Variants in FAF1 observed in about 807,000 individuals in gnomAD.
FAF1 encodes Fas associated factor 1.
A neutral mutation model predicts 92.5 loss-of-function variants in FAF1; 25 were observed. The observed-to-expected ratio is 0.27, with a 90% CI of 0.20 to 0.38. FAF1 has a LOEUF of 0.38. FAF1 is among the 10% of genes least tolerant of loss of function. FAF1 has a pLI of 1.00. For synonymous variants in FAF1, 234 were observed against 273.2 expected (o/e 0.86, Z 1.42); for missense variants, 636 against 793.3 (o/e 0.80, Z 2.38).
chr1:50,841,892 A>G (rs1389508408), intron 2 of FAF1, among the ~76,000 whole-genome samples: 1 of 152,086 alleles, frequency 6.6e-6, no homozygotes, highest in East Asian at 1.9e-4. Flanking sequence ...TTTCCTTTCC[A>G]TAAACCTTCA....
intron 6 of FAF1, among the ~76,000 whole-genome samples, chr1:50,718,019 ATTTAT>A (rs1658252825): frequency 6.6e-6 from 1 of 150,634 alleles, no homozygotes; most frequent in South Asian, 2.1e-4. Flanking sequence ...TTATTTATTT[ATTTAT>A]TTATTTATTT....
intron 1 of FAF1, among the ~76,000 whole-genome samples, chr1:50,948,521 T>C (rs1645188827): frequency 6.6e-6 from 1 of 151,748 alleles, no homozygotes; most frequent in South Asian, 2.1e-4. Context: ...TTATTTCTTT[T>C]TCTTTTCTTT....
intron 6 of FAF1, among the ~76,000 whole-genome samples, chr1:50,735,430 A>C (rs11589343): frequency 0.29 from 44,471 of 152,082 alleles, 6,830 homozygotes; most frequent in Middle Eastern, 0.48. Context: ...GTTTTCTGAA[A>C]CACATAATTT....
At chr1:50,819,702 TACATATATATATAC>T (rs1644016977) in intron 2 of FAF1, among the ~76,000 whole-genome samples, 2 of 50,710 alleles carry the variant, frequency 3.9e-5, no homozygotes, top group African/African-American at 1.3e-4. Flanking sequence ...CATATATATA[TACATATATATATAC>T]GTATATATAT....
chr1:50,783,005 G>C (rs1661234370), intron 4 of FAF1, among the ~76,000 whole-genome samples: 1 of 151,166 alleles, frequency 6.6e-6, no homozygotes, highest in South Asian at 2.1e-4. Flanking sequence ...GATCAACCAA[G>C]TTCATCAACC....
chr1:50,680,528 C>T (rs935447045), intron 7 of FAF1, among the ~76,000 whole-genome samples: 1 of 151,922 alleles, frequency 6.6e-6, no homozygotes, highest in African/African-American at 2.4e-5. Flanking sequence ...ACTAAAAATA[C>T]AAAAATTAGG....
chr1:50,849,784 T>C (rs72904718), intron 2 of FAF1, among the ~76,000 whole-genome samples: 10,131 of 152,226 alleles, frequency 0.067, 413 homozygotes, highest in East Asian at 0.094. Context: ...TAGCATTACA[T>C]TAGAGCTACT....
intron 8 of FAF1, among the ~76,000 whole-genome samples, chr1:50,646,095 G>A (rs1035599992): frequency 1.3e-5 from 2 of 152,148 alleles, no homozygotes; most frequent in African/African-American, 4.8e-5. Context: ...GTTTTCAAGT[G>A]TGTTAATATC....
intron 6 of FAF1, among the ~76,000 whole-genome samples, chr1:50,724,771 G>T (rs1419313729): frequency 6.6e-6 from 1 of 152,214 alleles, no homozygotes; most frequent in East Asian, 1.9e-4. Flanking sequence ...GACAAGACCA[G>T]CAGTTTCCTC....
At chr1:50,464,488 T>G (rs1646470836) in intron 18 of FAF1, among the ~76,000 whole-genome samples, 2 of 152,204 alleles carry the variant, frequency 1.3e-5, no homozygotes, top group Non-Finnish European at 2.9e-5. Flanking sequence ...TTTTACTGCA[T>G]TTTACTAAGG....
chr1:50,945,747 G>C (rs897144281), intron 1 of FAF1, among the ~76,000 whole-genome samples: 2 of 152,164 alleles, frequency 1.3e-5, no homozygotes, highest in African/African-American at 4.8e-5. Context: ...TTTCCAAGTG[G>C]CAGACCAAAG....
intron 9 of FAF1, among the ~76,000 whole-genome samples, chr1:50,589,341 G>A (rs1392958126): frequency 6.6e-6 from 1 of 151,994 alleles, no homozygotes; most frequent in African/African-American, 2.4e-5. Flanking sequence ...TGAAAAATAC[G>A]AAGTCTGCTG....
At chr1:50,479,284 TG>T (rs1485474777) in intron 17 of FAF1, among the ~76,000 whole-genome samples, 1 of 151,428 alleles carries the variant, frequency 6.6e-6, no homozygotes, top group African/African-American at 2.4e-5. Flanking sequence ...TCACGCCAGC[TG>T]CCTAGTCAGT....
chr1:50,926,305 C>T (rs1645005841), intron 1 of FAF1, among the ~76,000 whole-genome samples: 1 of 152,030 alleles, frequency 6.6e-6, no homozygotes, highest in African/African-American at 2.4e-5. Context: ...CTGGAGGATA[C>T]TATGTTAAAC....
At chr1:50,768,392 A>T (rs1337490109) in intron 4 of FAF1, among the ~76,000 whole-genome samples, 2 of 152,086 alleles carry the variant, frequency 1.3e-5, no homozygotes, top group Non-Finnish European at 2.9e-5. Context: ...GAGGCAAAAG[A>T]CTAACAAAGA....
chr1:50,845,778 C>G (rs973939182), intron 2 of FAF1, among the ~76,000 whole-genome samples: 4 of 151,998 alleles, frequency 2.6e-5, no homozygotes, highest in Non-Finnish European at 4.4e-5. Context: ...GAGAAATAAA[C>G]CTCAAACGAA....
rs1651068051 is a variant in FAF1, at chr1:50,583,196, G to A, written c.1031+456C>T. Among the ~76,000 whole-genome samples, 1 of 151,364 alleles carries A rather than the reference G, an allele frequency of 6.6e-6. No individual in the cohort carries two copies. The highest frequency in any genetic ancestry group is 1.5e-5 in the Non-Finnish European group (1 of 67,748). ...TGAATACCTCAGCAGACTCTCAAATGCATATAAAATATTTTATATTTGACA... is the reference window on the plus strand; with the variant it reads ...TGAATACCTCAGCAGACTCTCAAATACATATAAAATATTTTATATTTGACA... On this transcript the variant is annotated intron_variant, in intron 11 of 18. Coordinates refer to ENST00000396153, the MANE Select transcript of FAF1 (RefSeq NM_007051.3). This position sits in a 1 kb window ranked among gnomAD's most constrained non-coding sequence, Gnocchi z 4.2.
chr1:50,530,238 G>GGTGTGTGTGTGTGTGTGT (rs72220248), intron 15 of FAF1, among the ~76,000 whole-genome samples: 24 of 141,678 alleles, frequency 1.7e-4, no homozygotes, highest in African/African-American at 5.7e-4. Flanking sequence ...TTTAAGAAGT[G>GGTGTGTGTGTGTGTGTGT]GTGTGTGTGT....
chr1:50,788,982 C>A (rs552934690), intron 3 of FAF1, among the ~76,000 whole-genome samples: 1 of 152,224 alleles, frequency 6.6e-6, no homozygotes, highest in African/African-American at 2.4e-5. Flanking sequence ...CACATGCATG[C>A]CACCAAGCCC....
Sources: gnomAD v4.1 joint callset for allele counts (sites outside exome capture counted in the v4.1 genomes callset) on GRCh38, gnomAD v4.1.1 for gene constraint, Gnocchi (gnomAD v3.1) non-coding constraint, MANE v1.5 for transcripts, NCBI Gene and HGNC (gene_info 2026-07-23, HGNC 2026-07-21) for gene names.